RNF2: variants seen among roughly 807,000 people sequenced by gnomAD.
RNF2 encodes E3 ubiquitin-protein ligase RING2.
A neutral mutation model predicts 37.2 loss-of-function variants in RNF2; 6 were observed. The observed-to-expected ratio is 0.16, with a 90% CI of 0.09 to 0.32. RNF2 has a LOEUF of 0.32. Ranked by LOEUF, RNF2 falls within the 10% of genes least tolerant of loss-of-function variation. The pLI is 1.00. For synonymous variants in RNF2, 133 were observed against 132.7 expected (o/e 1.00, Z -0.02); for missense variants, 251 against 404.0 (o/e 0.62, Z 3.25).
chr1:185,065,562 A>G (rs1412873092), intron 1 of RNF2, among the ~76,000 whole-genome samples: 1 of 152,152 alleles, frequency 6.6e-6, no homozygotes, highest in African/African-American at 2.4e-5. Flanking sequence ...GGAGGGCCAA[A>G]CAACTCCAGA....
intron 1 of RNF2, among the ~76,000 whole-genome samples, chr1:185,076,271 T>G (rs1162937810): frequency 8.2e-4 from 23 of 27,940 alleles, no homozygotes; most frequent in African/African-American, 3.3e-3. Flanking sequence ...ATGGGTTGTT[T>G]TTTTTTTTTT....
chr1:185,049,230 A>C (rs996812919), intron 1 of RNF2, among the ~76,000 whole-genome samples: 13 of 152,068 alleles, frequency 8.5e-5, no homozygotes, highest in Non-Finnish European at 1.6e-4. Flanking sequence ...AAAAATCAGG[A>C]TCTCATGCCA....
rs764196928 is a variant in RNF2, at chr1:185,076,680, T to A, written c.-2-10872T>A. The stretch of plus-strand genomic sequence containing the variant: ...CTGATTTATTTGAAAAGGGTTTAAA[T>A]TTTTTTTTTGTCATCCCTGATTTTA... On this transcript the variant is annotated intron_variant, in intron 1 of 6. Transcript: ENST00000367510. Among the ~76,000 whole-genome samples the A allele has an allele frequency of 9.6e-3, 1,432 of 149,560 alleles. 15 individuals carry two copies. The highest frequency in any genetic ancestry group is 0.013 in the Non-Finnish European group (858 of 67,272).
Position 185,102,587 on chromosome 1 carries a change from A to G in RNF2, c.*2286A>G, listed in dbSNP as rs1652106027. ...ACTCTGTGTGCAATTAAAGTAATGC[A>G]TTTCTCTTCTTCTTAACCCCTAGCA... On this transcript the variant is annotated 3_prime_UTR_variant, in exon 7 of 7. Transcript: ENST00000367510. 6.6e-6 allele frequency: 1 copy of G among 152,158 alleles called. No individual in the cohort carries two copies. The highest frequency in any genetic ancestry group is 2.4e-5 in the African/African-American group (1 of 41,442). 9.4% of individuals were successfully genotyped at this position (152,158 alleles called of 1,614,324 possible). A position where few individuals can be genotyped will look rare whatever the true frequency, so the allele number is the denominator to read the frequency against.
At chr1:185,056,409 AGTGCAGTGGC>A (rs956274807) in intron 1 of RNF2, among the ~76,000 whole-genome samples, 2 of 150,334 alleles carry the variant, frequency 1.3e-5, no homozygotes, top group Non-Finnish European at 3.0e-5. Flanking sequence ...TGCAGACTGG[AGTGCAGTGGC>A]GTGATCATAG....
chr1:185,079,221 G>A (rs904202849), intron 1 of RNF2, among the ~76,000 whole-genome samples: 2 of 151,572 alleles, frequency 1.3e-5, no homozygotes, highest in African/African-American at 2.4e-5. Context: ...CTGGTGTTTC[G>A]GATATATCTT....
rs943050511 is a variant in RNF2, at chr1:185,064,913, GT to G, written c.-3+19271del. On this transcript the variant is annotated intron_variant, in intron 1 of 6. Coordinates refer to ENST00000367510, the MANE Select transcript of RNF2 (RefSeq NM_007212.4). Reference sequence around the variant, plus strand: ...GTATATGAATGAAACTGATTGTTTTGTTTTTTTCTTGCAACGTTGCTGAATT... The same window carrying G: ...GTATATGAATGAAACTGATTGTTTTGTTTTTTCTTGCAACGTTGCTGAATT... 1.1e-4 allele frequency among the ~76,000 whole-genome samples: 17 copies of G among 151,916 alleles called. No individual in the cohort carries two copies. The East Asian group carries it at 1.9e-3, about 17-fold the overall frequency.
At chr1:185,053,173 C>T (rs1650318471) in intron 1 of RNF2, among the ~76,000 whole-genome samples, 1 of 152,090 alleles carries the variant, frequency 6.6e-6, no homozygotes, top group Non-Finnish European at 1.5e-5. Flanking sequence ...CTCATTTAAT[C>T]CTTTATTAAG....
At chr1:185,061,665 A>G (rs1456453980) in intron 1 of RNF2, among the ~76,000 whole-genome samples, 2 of 152,222 alleles carry the variant, frequency 1.3e-5, no homozygotes, top group Non-Finnish European at 2.9e-5. Context: ...TTTAATATGC[A>G]GTATACCTCT....
chr1:185,069,752 T>C (rs1650912589), intron 1 of RNF2, among the ~76,000 whole-genome samples: 1 of 152,242 alleles, frequency 6.6e-6, no homozygotes, highest in Admixed American at 6.5e-5. Flanking sequence ...AATAATTTGC[T>C]AATTTCTAAT....
chr1:185,068,360 A>T (rs1650862849), intron 1 of RNF2, among the ~76,000 whole-genome samples: 1 of 152,200 alleles, frequency 6.6e-6, no homozygotes, highest in Admixed American at 6.5e-5. Context: ...ACTTTGAAAA[A>T]GGTTCTTTGC....
At position 185,098,267 on chromosome 1, in the gene RNF2, G is replaced by T. The variant is rs1651970202; in HGVS notation, c.660G>T (p.Met220Ile). 1.2e-6 allele frequency: 2 copies of T among 1,614,142 alleles called. No individual in the cohort carries two copies. The highest frequency in any genetic ancestry group is 1.7e-6 in the Non-Finnish European group (2 of 1,180,008). Residue 220 changes from methionine to isoleucine, a missense_variant, in exon 5 of 7, where the codon ATG (methionine) becomes ATT (isoleucine). By Grantham distance (10) the Met-to-Ile change is conservative. Transcript: ENST00000367510. ...CAGCAATGGCAATTGATCCAGTAAT[G>T]GATGGTGCTAGTGAAATTGAATTAG... is the stretch of plus-strand genomic sequence containing the variant. Reference protein sequence around the residue: ...NNAAMAIDPVMDGASEIELVF... With the variant: ...NNAAMAIDPVIDGASEIELVF...
At chr1:185,091,064 T>C (rs1009970847) in intron 2 of RNF2, among the ~76,000 whole-genome samples, 1 of 152,190 alleles carries the variant, frequency 6.6e-6, no homozygotes, top group Non-Finnish European at 1.5e-5. Flanking sequence ...TATTAAGCTG[T>C]TTATAAACTA....
At chr1:185,076,186 C>T (rs1223102962) in intron 1 of RNF2, among the ~76,000 whole-genome samples, 4 of 145,122 alleles carry the variant, frequency 2.8e-5, no homozygotes, top group Admixed American at 7.0e-5. Context: ...TTTTGTGAGG[C>T]GAAATATGAA....
intron 1 of RNF2, among the ~76,000 whole-genome samples, chr1:185,055,974 A>T (rs1650423535): frequency 6.6e-6 from 1 of 152,162 alleles, no homozygotes; most frequent in African/African-American, 2.4e-5. Context: ...ATAATTGTAA[A>T]GTAATGTATG....
chr1:185,101,724 T>C lies in RNF2; in HGVS notation c.*1423T>C, dbSNP rs1291764237. The C allele has an allele frequency of 6.6e-6, 1 of 152,192 alleles. No individual in the cohort carries two copies. Among genetic ancestry groups the C allele is most frequent in the Non-Finnish European group, 1.5e-5 (1 of 67,972 alleles). 9.4% of individuals were successfully genotyped at this position (152,192 alleles called of 1,614,324 possible). ...ATATTTATCTGTCAGTTTTGACAGA[T>C]TGGGGCCAGCTTGATGTTTTAAATC... On this transcript the variant is annotated 3_prime_UTR_variant, in exon 7 of 7. Coordinates refer to ENST00000367510, the MANE Select transcript of RNF2 (RefSeq NM_007212.4).
intron 1 of RNF2, among the ~76,000 whole-genome samples, chr1:185,079,758 G>A (rs1426739959): frequency 3.3e-5 from 5 of 152,032 alleles, no homozygotes; most frequent in Admixed American, 6.6e-5. Flanking sequence ...GGCAAACCCC[G>A]TCTCTACTAA....
intron 1 of RNF2, among the ~76,000 whole-genome samples, chr1:185,074,567 T>C (rs1453332577): frequency 6.6e-6 from 1 of 151,962 alleles, no homozygotes; most frequent in Non-Finnish European, 1.5e-5. Flanking sequence ...AGGTTTTAGA[T>C]GATCTGTGCC....
chr1:185,056,156 C>T (rs1442531614), intron 1 of RNF2, among the ~76,000 whole-genome samples: 1 of 151,962 alleles, frequency 6.6e-6, no homozygotes, highest in African/African-American at 2.4e-5. Context: ...AGGAGTTCTC[C>T]ATTACTTGAA....
Sources: gnomAD v4.1 joint callset for allele counts (sites outside exome capture counted in the v4.1 genomes callset) on GRCh38, gnomAD v4.1.1 for gene constraint, MANE v1.5 for transcripts, NCBI Gene and HGNC (gene_info 2026-07-23, HGNC 2026-07-21) for gene names.